The following FSIP1 variants were observed in gnomAD, a reference collection of about 807,000 sequenced individuals.
FSIP1 encodes the protein fibrous sheath interacting protein 1.
Under a neutral mutation model 60.9 loss-of-function variants are expected in FSIP1, and 65 were observed. The ratio of observed to expected loss-of-function variants is 1.07; its 90% CI spans 0.87 to 1.31. The LOEUF (loss-of-function observed/expected upper bound fraction) is 1.31, where lower values mean the gene tolerates loss of function less well. Ranked by LOEUF, FSIP1 falls within the 40% of genes most tolerant of loss-of-function variation. FSIP1 has a pLI of 0.00. For synonymous variants in FSIP1, 209 were observed against 221.2 expected (o/e 0.94, Z 0.49); for missense variants, 675 against 665.5 (o/e 1.01, Z -0.16).
At chr15:39,678,409 ACC>A (rs1894030245) in intron 10 of FSIP1, among the ~76,000 whole-genome samples, 2 of 152,190 alleles carry the variant, frequency 1.3e-5, no homozygotes, top group African/African-American at 4.8e-5. Flanking sequence ...ATATGGTTTA[ACC>A]ACCACAAGAG....
In FSIP1 at chr15:39,726,708, C is replaced by T. The variant is rs771633694; in HGVS notation, c.931G>A (p.Glu311Lys). 4 of 1,614,020 alleles carry T rather than the reference C, an allele frequency of 2.5e-6. No homozygotes were observed. In the Admixed American group the frequency reaches 6.7e-5, roughly 27 times the overall value. The change falls in exon 9 of 12, where the codon GAA (glutamate) becomes AAA (lysine). Residue 311 changes from glutamate (E) to lysine (K), a missense_variant. Transcript: ENST00000350221. ...TGCTGATGCTGGGTGACTGCAAGTTCATATCCTTTTACTGGGACCACCCAG... is the reference window on the plus strand; with the variant it reads ...TGCTGATGCTGGGTGACTGCAAGTTTATATCCTTTTACTGGGACCACCCAG... ...SGWVVPVKGY[E>K]LAVTQHQQLA...
intron 8 of FSIP1, among the ~76,000 whole-genome samples, chr15:39,732,755 A>G (rs895930126): frequency 2.0e-5 from 3 of 152,112 alleles, no homozygotes; most frequent in Non-Finnish European, 4.4e-5. Flanking sequence ...TTTATTTGTC[A>G]AAGATGAGGT....
intron 9 of FSIP1, 142 bp downstream of exon 9, chr15:39,726,447 A>T (rs559129754): frequency 2.7e-6 from 2 of 744,028 alleles, no homozygotes; most frequent in Non-Finnish European, 4.4e-6. Flanking sequence ...GTGAGTAGAA[A>T]GTGGAAGTAA....
rs1894867042 is a variant in FSIP1, at chr15:39,697,463, T to C, written c.1188+15981A>G. Among the ~76,000 whole-genome samples the C allele has an allele frequency of 1.3e-5, 2 of 152,186 alleles. 1 individual carries two copies. The highest frequency in any genetic ancestry group is 4.1e-4 in the South Asian group (2 of 4,832). On this transcript the variant is annotated intron_variant, in intron 10 of 11. Coordinates refer to ENST00000350221, the MANE Select transcript of FSIP1 (RefSeq NM_152597.5). ...GTATGGAATGAACTGGGATAAATAATAATTACATTAGCAAATACTGCCCAA... is the reference window on the plus strand; with the variant it reads ...GTATGGAATGAACTGGGATAAATAACAATTACATTAGCAAATACTGCCCAA...
chr15:39,616,112 G>A (rs1891220234), intron 11 of FSIP1, among the ~76,000 whole-genome samples: 1 of 152,042 alleles, frequency 6.6e-6, no homozygotes, highest in Non-Finnish European at 1.5e-5. Context: ...ATTACAGCTT[G>A]CGAAATTTCA....
chr15:39,781,607 G>A (rs922013356), intron 1 of FSIP1, among the ~76,000 whole-genome samples: 7 of 152,158 alleles, frequency 4.6e-5, no homozygotes, highest in Non-Finnish European at 5.9e-5. Flanking sequence ...ATATACTACC[G>A]TAGATCCATA....
intron 11 of FSIP1, among the ~76,000 whole-genome samples, chr15:39,608,743 G>A (rs1182479598): frequency 2.0e-5 from 3 of 152,156 alleles, no homozygotes; most frequent in Non-Finnish European, 2.9e-5. Flanking sequence ...CAGAATGGGT[G>A]TTGCTCAGCT....
intron 10 of FSIP1, among the ~76,000 whole-genome samples, chr15:39,661,768 A>G (rs1179324302): frequency 6.6e-6 from 1 of 152,140 alleles, no homozygotes; most frequent in South Asian, 2.1e-4. Context: ...CTAACCACAC[A>G]TATTAATTTT....
intron 11 of FSIP1, among the ~76,000 whole-genome samples, chr15:39,611,620 C>T (rs1042886493): frequency 2.0e-5 from 3 of 152,132 alleles, no homozygotes; most frequent in African/African-American, 7.2e-5. Flanking sequence ...ACAAAACAAC[C>T]AGAAGCAAAT....
At chr15:39,706,368 T>C (rs1305780715) in intron 10 of FSIP1, among the ~76,000 whole-genome samples, 2 of 152,208 alleles carry the variant, frequency 1.3e-5, no homozygotes. Flanking sequence ...TGACACATAA[T>C]GATATCACAT....
chr15:39,687,673 C>G (rs1047111673), intron 10 of FSIP1, among the ~76,000 whole-genome samples: 2 of 152,156 alleles, frequency 1.3e-5, no homozygotes, highest in African/African-American at 4.8e-5. Context: ...GAAAGAAGAC[C>G]AGGTCTTAAT....
At chr15:39,749,289 G>A (rs531764417) in intron 5 of FSIP1, among the ~76,000 whole-genome samples, 22 of 93,304 alleles carry the variant, frequency 2.4e-4, no homozygotes, top group African/African-American at 1.2e-3. Context: ...AGGCTAGAGG[G>A]GATACTTTCT....
chr15:39,738,400 C>T (rs909659983), intron 7 of FSIP1, among the ~76,000 whole-genome samples, 199 bp from the exon 8 acceptor site: 3 of 151,914 alleles, frequency 2.0e-5, no homozygotes, highest in Admixed American at 2.0e-4. Context: ...AAGATATTAT[C>T]CCTATAAGCA....
At chr15:39,740,624 A>G (rs1275021527) in intron 6 of FSIP1, among the ~76,000 whole-genome samples, 1 of 152,204 alleles carries the variant, frequency 6.6e-6, no homozygotes, top group Admixed American at 6.5e-5. Flanking sequence ...CACCAGTCAC[A>G]AGCTCAATCC....
At chr15:39,700,268 T>C (rs1906152) in intron 10 of FSIP1, among the ~76,000 whole-genome samples, 86,522 of 151,928 alleles carry the variant, frequency 0.57, 26,462 homozygotes, top group Non-Finnish European at 0.7. Context: ...TCAATTCTGA[T>C]TTCACATTTT....
At chr15:39,639,835 G>T (rs1892287184) in intron 10 of FSIP1, among the ~76,000 whole-genome samples, 1 of 152,098 alleles carries the variant, frequency 6.6e-6, no homozygotes, top group Admixed American at 6.5e-5. Flanking sequence ...GGAAAAAAAT[G>T]AAAGCCCACA....
chr15:39,714,309 G>T (rs1895650383), intron 9 of FSIP1, among the ~76,000 whole-genome samples: 1 of 151,686 alleles, frequency 6.6e-6, no homozygotes. Flanking sequence ...GTTATTTCTG[G>T]GTGATAAAAA....
In FSIP1 at chr15:39,770,475, C is replaced by G. The variant is rs1339479303; in HGVS notation, c.262G>C (p.Asp88His). The part of the protein sequence containing the change: ...EKIKLAEEGS[D>H]EDLDLVQHQI... ...TGTTGAACCAAATCCAGATCTTCAT[C>G]TGATCCCTCTTCAGCCAATTTTATT... Residue 88 changes from aspartate to histidine, a missense_variant, in exon 3 of 12, where the codon GAT becomes CAT. Asp to His is a moderately conservative substitution (Grantham distance 81, BLOSUM62 -1). Coordinates refer to ENST00000350221, the MANE Select transcript of FSIP1 (RefSeq NM_152597.5). 1 of 1,610,536 alleles carries G rather than the reference C, an allele frequency of 6.2e-7. No individual in the cohort carries two copies. The highest frequency in any genetic ancestry group is 8.5e-7 in the Non-Finnish European group (1 of 1,179,292).
At chr15:39,730,270 T>A (rs566591069) in intron 8 of FSIP1, among the ~76,000 whole-genome samples, 12 of 152,178 alleles carry the variant, frequency 7.9e-5, no homozygotes, top group Non-Finnish European at 1.6e-4. Context: ...ACAGATTATG[T>A]TAGGCAGTTA....
Sources: allele counts gnomAD v4.1 joint callset (sites outside exome capture counted in the v4.1 genomes callset), GRCh38; gene constraint gnomAD v4.1.1; transcripts MANE v1.5; gene names NCBI Gene and HGNC (gene_info 2026-07-23, HGNC 2026-07-21).